The following PXDNL variants were observed in gnomAD, a reference collection of about 807,000 sequenced individuals.
PXDNL encodes probable oxidoreductase PXDNL.
In PXDNL, 145 loss-of-function variants were observed where a neutral mutation model predicts 150.8. The observed-to-expected ratio is 0.96, with a 90% CI of 0.84 to 1.10. The LOEUF (loss-of-function observed/expected upper bound fraction) is 1.10, where lower values mean the gene tolerates loss of function less well. Ranked by LOEUF, PXDNL falls within the 50% of genes least tolerant of loss-of-function variation. The probability of loss-of-function intolerance (pLI) is 0.00; values close to 1 mark genes in which losing one functional copy is unlikely to be tolerated. For synonymous variants in PXDNL, 757 were observed against 725.7 expected, an observed-to-expected ratio of 1.04 and a Z score of -0.69; for missense variants, 2,087 against 1,873.9, an observed-to-expected ratio of 1.11 and a Z score of -2.10.
chr8:51,721,624 A>C (rs982030367), intron 1 of PXDNL: 4 of 358,740 alleles, frequency 1.1e-5, no homozygotes, highest in Non-Finnish European at 2.1e-5. Context: ...CCTAAAACTT[A>C]AAGTATAATA....
In PXDNL at chr8:51,356,211, G is replaced by A. The variant is rs1278740432; in HGVS notation, c.3902-10264C>T. Among the ~76,000 whole-genome samples the A allele has an allele frequency of 2.0e-5, 3 of 152,322 alleles. No individual in the cohort carries two copies. In the South Asian group the frequency reaches 6.2e-4, roughly 32 times the overall value. On this transcript the variant is annotated intron_variant, in intron 19 of 22. Coordinates refer to ENST00000356297, the MANE Select transcript of PXDNL (RefSeq NM_144651.5). ...CAGCTTCAAAAATCTATAACTGGCT[G>A]GGTGGGGTGGCCCATGCCTGCAATC...
intron 2 of PXDNL, among the ~76,000 whole-genome samples, chr8:51,649,778 T>C (rs1181939808): frequency 1.3e-5 from 2 of 152,152 alleles, no homozygotes; most frequent in African/African-American, 4.8e-5. Flanking sequence ...TCATTATTGA[T>C]CTGTTTTGCA....
chr8:51,780,350 T>C (rs1262003521), intron 1 of PXDNL, among the ~76,000 whole-genome samples: 1 of 152,036 alleles, frequency 6.6e-6, no homozygotes, highest in Non-Finnish European at 1.5e-5. Flanking sequence ...CAAAATGAAA[T>C]AATATATATT....
intron 17 of PXDNL, among the ~76,000 whole-genome samples, chr8:51,387,565 C>A (rs1807757477): frequency 6.6e-6 from 1 of 152,102 alleles, no homozygotes; most frequent in South Asian, 2.1e-4. Context: ...CGGTTCTAAG[C>A]CAGTGAGTGC....
chr8:51,662,856 T>C (rs1815304743), intron 1 of PXDNL, among the ~76,000 whole-genome samples: 1 of 152,218 alleles, frequency 6.6e-6, no homozygotes, highest in Non-Finnish European at 1.5e-5. Flanking sequence ...CACACATATG[T>C]ATAAACATAA....
At chr8:51,699,588 T>C (rs1816208436) in intron 1 of PXDNL, among the ~76,000 whole-genome samples, 2 of 152,242 alleles carry the variant, frequency 1.3e-5, no homozygotes, top group Admixed American at 1.3e-4. Context: ...AACTTTTCCT[T>C]TGCATTCACA....
chr8:51,711,336 C>T (rs181487045), intron 1 of PXDNL, among the ~76,000 whole-genome samples: 353 of 152,236 alleles, frequency 2.3e-3, no homozygotes, highest in African/African-American at 6.7e-3. Context: ...TAGGGTTTTG[C>T]CATGTTGGTC....
At chr8:51,401,736 A>C (rs1808253280) in intron 17 of PXDNL, among the ~76,000 whole-genome samples, 3 of 152,146 alleles carry the variant, frequency 2.0e-5, no homozygotes, top group African/African-American at 7.2e-5. Flanking sequence ...ATACACACAG[A>C]TTTGGGTCTA....
intron 3 of PXDNL, among the ~76,000 whole-genome samples, chr8:51,586,408 G>A (rs1002616): frequency 0.023 from 3,483 of 152,254 alleles, 138 homozygotes; most frequent in African/African-American, 0.077. Flanking sequence ...ATGAGAGATA[G>A]AAATGCTTGA....
intron 2 of PXDNL, among the ~76,000 whole-genome samples, chr8:51,605,889 T>C (rs79768970): frequency 0.025 from 3,800 of 152,324 alleles, 174 homozygotes; most frequent in African/African-American, 0.086. Context: ...AGCTGTCTGA[T>C]TCTCTTGCTC....
chr8:51,597,325 A>G (rs1813591726), intron 2 of PXDNL, among the ~76,000 whole-genome samples: 1 of 152,134 alleles, frequency 6.6e-6, no homozygotes, highest in Admixed American at 6.5e-5. Context: ...TATAGTTTGA[A>G]GTTGGGTAAT....
intron 1 of PXDNL, among the ~76,000 whole-genome samples, chr8:51,708,230 C>T (rs914769430): frequency 1.3e-5 from 2 of 152,164 alleles, no homozygotes; most frequent in Non-Finnish European, 2.9e-5. Flanking sequence ...GCACATTGAT[C>T]GTGATTCACC....
At chr8:51,571,135 T>C (rs1381703602) in intron 3 of PXDNL, among the ~76,000 whole-genome samples, 1 of 151,728 alleles carries the variant, frequency 6.6e-6, no homozygotes, top group Non-Finnish European at 1.5e-5. Flanking sequence ...GACAGTAAAA[T>C]TCTATCTATT....
chr8:51,373,737 T>C (rs1163935508), intron 18 of PXDNL, among the ~76,000 whole-genome samples: 1 of 152,174 alleles, frequency 6.6e-6, no homozygotes, highest in Non-Finnish European at 1.5e-5. Context: ...ACATCATCTC[T>C]GAAATAATAC....
chr8:51,336,684 G>T (rs1370797973), intron 21 of PXDNL, among the ~76,000 whole-genome samples: 1 of 152,108 alleles, frequency 6.6e-6, no homozygotes, highest in African/African-American at 2.4e-5. Flanking sequence ...GATGATCTGG[G>T]TTGATTTCTG....
intron 20 of PXDNL, among the ~76,000 whole-genome samples, chr8:51,342,177 A>T (rs1806005889): frequency 6.6e-6 from 1 of 151,946 alleles, no homozygotes; most frequent in Admixed American, 6.5e-5. Flanking sequence ...AAAATAAAAT[A>T]TATAAAAAAT....
intron 17 of PXDNL, among the ~76,000 whole-genome samples, chr8:51,404,204 CG>C (rs1563395002): frequency 6.6e-6 from 1 of 152,200 alleles, no homozygotes; most frequent in East Asian, 1.9e-4. Context: ...TCGCAAAGAG[CG>C]AAAGAACAAA....
chr8:51,390,799 G>C (rs1185128823), intron 17 of PXDNL, among the ~76,000 whole-genome samples: 1 of 151,618 alleles, frequency 6.6e-6, no homozygotes, highest in East Asian at 1.9e-4. Flanking sequence ...CAATGTGCAG[G>C]TTAGTTACAT....
At chr8:51,523,399 G>C (rs1811701693) in intron 4 of PXDNL, among the ~76,000 whole-genome samples, 1 of 152,194 alleles carries the variant, frequency 6.6e-6, no homozygotes, top group Non-Finnish European at 1.5e-5. Flanking sequence ...CCAACAATCT[G>C]TGGCATATGG....
Sources: gnomAD v4.1 joint callset for allele counts (sites outside exome capture counted in the v4.1 genomes callset) on GRCh38, gnomAD v4.1.1 for gene constraint, MANE v1.5 for transcripts, NCBI Gene and HGNC (gene_info 2026-07-23, HGNC 2026-07-21) for gene names.